The following FNTB variants were observed in gnomAD, a reference collection of about 807,000 sequenced individuals.
The protein encoded by FNTB is farnesyltransferase, CAAX box, subunit beta, also known as protein farnesyltransferase subunit beta.
In FNTB, 27 loss-of-function variants were observed where a neutral mutation model predicts 59.4. The observed-to-expected ratio is 0.45, with a 90% CI of 0.34 to 0.63. The LOEUF is 0.63. Among genes scored for constraint, FNTB ranks in the 20% least tolerant of loss-of-function variants. The pLI, the probability that FNTB is intolerant of heterozygous loss-of-function variation, is 0.02. For synonymous variants in FNTB, 230 were observed against 220.7 expected, an observed-to-expected ratio of 1.04 and a Z score of -0.37; for missense variants, 449 against 559.6, an observed-to-expected ratio of 0.80 and a Z score of 1.99.
chr14:64,996,135 A>G (rs575331597), intron 1 of FNTB, among the ~76,000 whole-genome samples: 36 of 150,868 alleles, frequency 2.4e-4, no homozygotes, highest in African/African-American at 5.3e-4. Context: ...AAAAAAAAAA[A>G]AAAAAGAAAA....
rs548225649 is a variant in FNTB, at chr14:65,002,368, G to C, written c.145-1881G>C. Among the ~76,000 whole-genome samples, 3 of 152,332 alleles carry C rather than the reference G, an allele frequency of 2.0e-5. No individual in the cohort carries two copies. The East Asian group carries it at 5.8e-4, about 29-fold the overall frequency. Reference sequence around the variant, plus strand: ...TCACGCCTGTAATCCCAGCACTTTGGGAGGCCGAGGCAGGTAGATCACCTG... The same window carrying C: ...TCACGCCTGTAATCCCAGCACTTTGCGAGGCCGAGGCAGGTAGATCACCTG... On this transcript the variant is annotated intron_variant, in intron 1 of 11. Coordinates refer to ENST00000246166, the MANE Select transcript of FNTB (RefSeq NM_002028.4).
chr14:65,014,825 C>T lies in FNTB; in HGVS notation c.283-800C>T, dbSNP rs530627139. Among the ~76,000 whole-genome samples the T allele has an allele frequency of 1.5e-4, 23 of 152,068 alleles. No individual in the cohort carries two copies. The highest frequency in any genetic ancestry group is 3.3e-4 in the Admixed American group (5 of 15,262). On this transcript the variant is annotated intron_variant, in intron 3 of 11. Coordinates refer to ENST00000246166, the MANE Select transcript of FNTB (RefSeq NM_002028.4). The surrounding 1 kb of genome is among the most constrained non-coding windows in gnomAD (Gnocchi z 5.1). ...CGAGACCCTGTCTCAAAAAAATAAACGGTAGAAACCAAATTTTATTATCAT... is the reference window on the plus strand; with the variant it reads ...CGAGACCCTGTCTCAAAAAAATAAATGGTAGAAACCAAATTTTATTATCAT...
chr14:64,987,863 C>T (rs1465872495), intron 1 of FNTB, among the ~76,000 whole-genome samples: 3 of 152,146 alleles, frequency 2.0e-5, no homozygotes, highest in African/African-American at 4.8e-5. Context: ...TGTTTTTCTT[C>T]TTATTCCCTA....
chr14:65,055,284 C>T (rs1201153050), intron 11 of FNTB, among the ~76,000 whole-genome samples: 1 of 152,228 alleles, frequency 6.6e-6, no homozygotes, highest in Non-Finnish European at 1.5e-5. Context: ...CCTGGAGGTG[C>T]TCTGAGCCTA....
intron 2 of FNTB, among the ~76,000 whole-genome samples, chr14:65,005,453 C>CTTTCT (rs2061566086): frequency 1.5e-5 from 1 of 65,074 alleles, no homozygotes; most frequent in Non-Finnish European, 3.3e-5. Flanking sequence ...CCTTTCTTTT[C>CTTTCT]TTTCTTTCTT....
At chr14:65,059,635 G>A (rs1033469852) in intron 11 of FNTB, among the ~76,000 whole-genome samples, 13 of 151,996 alleles carry the variant, frequency 8.6e-5, no homozygotes, top group African/African-American at 3.1e-4. Flanking sequence ...CTGCAGTTGT[G>A]TCCCCTTCTT....
At position 65,032,736 on chromosome 14, in the gene FNTB, A is replaced by G. The variant is rs183491384; in HGVS notation, c.692+40A>G. 6.1e-4 allele frequency: 981 copies of G among 1,595,528 alleles called. 4 individuals are homozygous for G. The African/African-American group carries it at 0.012, about 19-fold the overall frequency. On this transcript the variant is annotated intron_variant, in intron 7 of 11. Coordinates refer to ENST00000246166, the MANE Select transcript of FNTB (RefSeq NM_002028.4). This position sits in a 1 kb window ranked among gnomAD's most constrained non-coding sequence, Gnocchi z 5.0. ...GGTTTCTCCTGGCCTCTTGGAGAGC[A>G]GGCGGTCACGACACTACTTCAGAAA... is the stretch of plus-strand genomic sequence containing the variant.
rs1240967361 is a variant in FNTB, at chr14:65,012,054, A to G, written c.210-263A>G. On this transcript the variant is annotated intron_variant, in intron 2 of 11. Coordinates refer to ENST00000246166, the MANE Select transcript of FNTB (RefSeq NM_002028.4). The surrounding 1 kb of genome is among the most constrained non-coding windows in gnomAD (Gnocchi z 5.0). ...CTCATTGCGGCTTTTCCGTTAGCCC[A>G]AAGTCACTGCCTTTAGGAGACAATC... The G allele has an allele frequency of 7.5e-6, 3 of 398,900 alleles. No homozygotes were observed. The highest frequency in any genetic ancestry group is 5.5e-5 in the South Asian group (2 of 36,434). 24.7% of individuals were successfully genotyped at this position (398,900 alleles called of 1,614,324 possible).
intron 4 of FNTB, among the ~76,000 whole-genome samples, chr14:65,016,920 G>GTTTTT (rs34191835): frequency 0.074 from 8,429 of 114,576 alleles, 478 homozygotes; most frequent in Admixed American, 0.11. Context: ...GGCCCACGTG[G>GTTTTT]TTTTTTTTTT....
chr14:64,986,898 G>A lies in FNTB; in HGVS notation c.-56G>A. On this transcript the variant is annotated 5_prime_UTR_variant, in exon 1 of 12. It removes an upstream start codon present in the reference 5' UTR. Coordinates refer to ENST00000246166, the MANE Select transcript of FNTB (RefSeq NM_002028.4). ...CGCTTTAGCCCGCTCGAGTTTCAAT[G>A]CGCGTTGTTGCTTAACGAAGCAGAG... The A allele has an allele frequency of 1.9e-6, 3 of 1,602,940 alleles. No homozygotes were observed. Among genetic ancestry groups the A allele is most frequent in the Non-Finnish European group, 1.7e-6 (2 of 1,170,316 alleles).
At chr14:65,021,068 T>C (rs2061877869) in intron 4 of FNTB, among the ~76,000 whole-genome samples, 1 of 152,194 alleles carries the variant, frequency 6.6e-6, no homozygotes, top group African/African-American at 2.4e-5. Context: ...CACACATTTA[T>C]ATGTGTTTAT....
chr14:65,038,828 T>C (rs1211998876), intron 7 of FNTB, among the ~76,000 whole-genome samples: 2 of 152,230 alleles, frequency 1.3e-5, no homozygotes, highest in Non-Finnish European at 2.9e-5. Context: ...TCTAATCCTC[T>C]TGTTTTTATT....
At chr14:64,998,102 G>A (rs1318045747) in intron 1 of FNTB, among the ~76,000 whole-genome samples, 2 of 152,130 alleles carry the variant, frequency 1.3e-5, no homozygotes, top group Non-Finnish European at 2.9e-5. Flanking sequence ...TGTTATCTTT[G>A]TTTATCCTTT....
chr14:65,041,055 G>A (rs1197082077), intron 8 of FNTB, 136 bp downstream of exon 8: 17 of 1,401,738 alleles, frequency 1.2e-5, no homozygotes, highest in Non-Finnish European at 1.6e-5. Flanking sequence ...ACAGAGGAAG[G>A]AGTGAGCAGC....
chr14:65,004,948 C>T (rs1261819845), intron 2 of FNTB, among the ~76,000 whole-genome samples: 1 of 152,246 alleles, frequency 6.6e-6, no homozygotes, highest in African/African-American at 2.4e-5. Context: ...CAGGCGTGAG[C>T]CACTGTGCCC....
chr14:65,039,771 C>T (rs1213732134), intron 7 of FNTB, among the ~76,000 whole-genome samples: 1 of 152,134 alleles, frequency 6.6e-6, no homozygotes, highest in Admixed American at 6.5e-5. Context: ...GCCATCACCA[C>T]CTGGCCTAAT....
intron 8 of FNTB, among the ~76,000 whole-genome samples, chr14:65,043,822 C>A (rs2062408791): frequency 9.7e-6 from 1 of 103,236 alleles, no homozygotes; most frequent in Admixed American, 1.2e-4. Context: ...GAGCGAGACT[C>A]CGTCTCAAAA....
chr14:65,015,108 CTT>C (rs113319981), intron 3 of FNTB, among the ~76,000 whole-genome samples: 1 of 144,284 alleles, frequency 6.9e-6, no homozygotes, highest in Admixed American at 6.9e-5. Context: ...TCTTTTCTTT[CTT>C]TTTTTTTTTT....
rs565946754 is a variant in FNTB, at chr14:65,007,290, C to T, written c.209+2977C>T. Among the ~76,000 whole-genome samples, 91 of 152,322 alleles carry T rather than the reference C, an allele frequency of 6.0e-4. No individual in the cohort carries two copies. Among genetic ancestry groups the T allele is most frequent in the African/African-American group, 2.0e-3 (84 of 41,586 alleles). On this transcript the variant is annotated intron_variant, in intron 2 of 11. Coordinates refer to ENST00000246166, the MANE Select transcript of FNTB (RefSeq NM_002028.4). This position sits in a 1 kb window ranked among gnomAD's most constrained non-coding sequence, Gnocchi z 4.9. ...AATTTAAAAGTCTGACACTTTAATACAGGAAGTAACCTTCACTGTTAGCTG... is the reference window on the plus strand; with the variant it reads ...AATTTAAAAGTCTGACACTTTAATATAGGAAGTAACCTTCACTGTTAGCTG...
Sources: gnomAD v4.1 joint callset for allele counts (sites outside exome capture counted in the v4.1 genomes callset) on GRCh38, gnomAD v4.1.1 for gene constraint, Gnocchi (gnomAD v3.1) non-coding constraint, MANE v1.5 for transcripts, NCBI Gene and HGNC (gene_info 2026-07-23, HGNC 2026-07-21) for gene names.